The following TLN2 variants were observed in gnomAD, a reference collection of about 807,000 sequenced individuals.
The protein encoded by TLN2 is talin-2.
TLN2 carries 118 observed loss-of-function variants against 294.7 expected under a neutral mutation model. That is an observed-to-expected ratio of 0.40 (90% CI 0.34 to 0.47). TLN2 has a LOEUF of 0.47. Among genes scored for constraint, TLN2 ranks in the 20% least tolerant of loss-of-function variants. The probability of loss-of-function intolerance (pLI) is 0.84; values close to 1 mark genes in which losing one functional copy is unlikely to be tolerated. For synonymous variants in TLN2, 1,431 were observed against 1,304.5 expected, an observed-to-expected ratio of 1.10 and a Z score of -2.09; for missense variants, 3,083 against 3,282.2, an observed-to-expected ratio of 0.94 and a Z score of 1.48.
chr15:62,653,411 T>G, intron 7 of TLN2, 97 bp downstream of exon 7: 4 of 1,384,574 alleles, frequency 2.9e-6, no homozygotes, highest in Non-Finnish European at 2.8e-6. Context: ...GGACTTTTGA[T>G]TTTTGTTTTT....
intron 11 of TLN2, among the ~76,000 whole-genome samples, chr15:62,676,760 G>A (rs992183634): frequency 7.2e-5 from 11 of 152,100 alleles, no homozygotes; most frequent in Admixed American, 5.2e-4. Context: ...GACTACAGGC[G>A]CATGCTGCCA....
intron 1 of TLN2, among the ~76,000 whole-genome samples, chr15:62,531,909 C>T (rs2041061157): frequency 6.6e-6 from 1 of 152,162 alleles, no homozygotes; most frequent in South Asian, 2.1e-4. Context: ...CTCCTGAAGC[C>T]GTCTGTTTGG....
intron 1 of TLN2, among the ~76,000 whole-genome samples, chr15:62,481,700 T>A (rs1276654734): frequency 6.6e-6 from 1 of 152,108 alleles, no homozygotes; most frequent in Non-Finnish European, 1.5e-5. Flanking sequence ...AATATTGTTT[T>A]TATATAATGC....
intron 1 of TLN2, among the ~76,000 whole-genome samples, chr15:62,426,361 G>A (rs554053755): frequency 1.3e-5 from 2 of 152,348 alleles, no homozygotes; most frequent in South Asian, 2.1e-4. Flanking sequence ...GCAGAGAGGA[G>A]CAAAGCCGTT....
In TLN2 at chr15:62,707,099, G is replaced by A. The variant is rs145391682; in HGVS notation, c.2018G>A (p.Ser673Asn). ...TDERFQDVLMSLAKAVANAAA... is the reference protein window; with the variant it reads ...TDERFQDVLMNLAKAVANAAA... ...CCCTTTTCTTAGGATGTTTTAATGA[G>A]TTTGGCCAAAGCTGTTGCCAATGCA... Residue 673 changes from serine (S) to asparagine (N), a missense_variant, in exon 20 of 59, where the codon AGT (serine) becomes AAT (asparagine). Physicochemically the swap from Ser to Asn is conservative, Grantham distance 46. Coordinates refer to ENST00000636159, the MANE Select transcript of TLN2 (RefSeq NM_015059.3). 1 of 1,613,100 alleles carries A rather than the reference G, an allele frequency of 6.2e-7. No homozygotes were observed. The highest frequency in any genetic ancestry group is 1.3e-5 in the African/African-American group (1 of 75,054).
chr15:62,677,622 T>G (rs1439331222), intron 11 of TLN2, among the ~76,000 whole-genome samples: 1 of 151,852 alleles, frequency 6.6e-6, no homozygotes, highest in Non-Finnish European at 1.5e-5. Flanking sequence ...TCAAACCAAA[T>G]CTCCTTTTAC....
At chr15:62,578,462 G>A (rs1411615298) in intron 1 of TLN2, among the ~76,000 whole-genome samples, 1 of 152,156 alleles carries the variant, frequency 6.6e-6, no homozygotes, top group Non-Finnish European at 1.5e-5. Flanking sequence ...AGCTTCTCGG[G>A]AGGCTGAGGC....
chr15:62,823,819 G>A (rs936994161), intron 54 of TLN2: 1 of 400,942 alleles, frequency 2.5e-6, no homozygotes, highest in African/African-American at 2.2e-5. Context: ...ATTGTTAATG[G>A]CGCCGTTTCC....
intron 45 of TLN2, 168 bp downstream of exon 45, chr15:62,784,058 GC>G: frequency 8.2e-7 from 1 of 1,223,676 alleles, no homozygotes; most frequent in Non-Finnish European, 1.1e-6. Flanking sequence ...GTAGCCCCAG[GC>G]TGTACTCAAG....
intron 1 of TLN2, among the ~76,000 whole-genome samples, chr15:62,574,182 T>G (rs987365339): frequency 6.6e-6 from 1 of 152,054 alleles, no homozygotes. Context: ...CATTTTTTTT[T>G]TTGTCTCTTA....
chr15:62,471,070 A>T (rs1023761110), intron 1 of TLN2, among the ~76,000 whole-genome samples: 1 of 152,192 alleles, frequency 6.6e-6, no homozygotes, highest in African/African-American at 2.4e-5. Context: ...AAGGCTGGGC[A>T]TGTGTGGCTT....
chr15:62,508,216 T>A (rs578187971), intron 1 of TLN2, among the ~76,000 whole-genome samples: 1 of 151,720 alleles, frequency 6.6e-6, no homozygotes, highest in Admixed American at 6.6e-5. Context: ...AAAATTATTT[T>A]ATTTATTTAT....
At chr15:62,823,920 C>A in intron 54 of TLN2, 1 of 518,010 alleles carries the variant, frequency 1.9e-6, no homozygotes, top group Admixed American at 2.0e-5. Flanking sequence ...CAATACTGTG[C>A]CTAGTCTCGA....
At chr15:62,427,350 A>G (rs543963042) in intron 1 of TLN2, among the ~76,000 whole-genome samples, 1 of 152,208 alleles carries the variant, frequency 6.6e-6, no homozygotes, top group South Asian at 2.1e-4. Flanking sequence ...ACTTGGGGTT[A>G]CTTACTTTTA....
rs559439794 is a variant in TLN2 at position 62,450,510 on chromosome 15, C to T, written c.-238+59825C>T. ...CCCTACATCATTAAGTGGCCCCCAT[C>T]GTGTATGTATGTATGTATGTATGTA... is the stretch of plus-strand genomic sequence containing the variant. On this transcript the variant is annotated intron_variant, in intron 1 of 58. Coordinates refer to ENST00000636159, the MANE Select transcript of TLN2 (RefSeq NM_015059.3). Among the ~76,000 whole-genome samples the T allele has an allele frequency of 2.8e-5, 4 of 144,240 alleles. No individual in the cohort carries two copies. In the South Asian group the frequency reaches 6.7e-4, roughly 24 times the overall value. 94.6% of individuals were successfully genotyped at this position (144,240 alleles called of 152,430 possible). A position where few individuals can be genotyped will look rare whatever the true frequency, so the allele number is the denominator to read the frequency against.
chr15:62,585,204 A>C (rs1366815081), intron 1 of TLN2, among the ~76,000 whole-genome samples: 1 of 152,218 alleles, frequency 6.6e-6, no homozygotes, highest in Admixed American at 6.5e-5. Flanking sequence ...ACGCCAAGTA[A>C]AACGAGGAAA....
intron 14 of TLN2, among the ~76,000 whole-genome samples, chr15:62,696,122 C>T (rs530480376): frequency 6.6e-6 from 1 of 152,356 alleles, no homozygotes; most frequent in Admixed American, 6.5e-5. Flanking sequence ...TGTCTCACCA[C>T]CCCACCCCTA....
intron 35 of TLN2, 147 bp from the exon 36 acceptor site, chr15:62,753,626 T>C (rs565948517): frequency 1.9e-5 from 17 of 897,496 alleles, no homozygotes; most frequent in East Asian, 1.4e-4. Flanking sequence ...TACACCCTTA[T>C]TGGTGAGCGG....
Position 62,713,599 on chromosome 15 carries a change from A to T in TLN2, c.2634+1522A>T, listed in dbSNP as rs573050313. Among the ~76,000 whole-genome samples, 12 of 152,128 alleles carry T rather than the reference A, an allele frequency of 7.9e-5. No homozygotes were observed. In the South Asian group the frequency reaches 8.3e-4, roughly 11 times the overall value. ...GAGGCTGAGGCAGGAGAATTGCTTG[A>T]ACCTGGGAGCCAGAGGTTGCAGTGA... On this transcript the variant is annotated intron_variant, in intron 22 of 58. Coordinates refer to ENST00000636159, the MANE Select transcript of TLN2 (RefSeq NM_015059.3).
Sources: allele counts gnomAD v4.1 joint callset (sites outside exome capture counted in the v4.1 genomes callset), GRCh38; gene constraint gnomAD v4.1.1; transcripts MANE v1.5; gene names NCBI Gene and HGNC (gene_info 2026-07-23, HGNC 2026-07-21).